The following ADCY5 variants were observed in gnomAD, a reference collection of about 807,000 sequenced individuals.
ADCY5 encodes the protein adenylate cyclase 5.
Under a neutral mutation model 119.7 loss-of-function variants are expected in ADCY5, and 30 were observed. The observed-to-expected ratio is 0.25, with a 90% confidence interval of 0.19 to 0.34. The LOEUF is 0.34. ADCY5 is among the 10% of genes least tolerant of loss of function. The probability of loss-of-function intolerance (pLI) is 1.00; values close to 1 mark genes in which losing one functional copy is unlikely to be tolerated. For missense variants in ADCY5, 1,324 were observed against 1,775.2 expected (o/e 0.75, Z 4.57); for synonymous variants, 753 against 762.2 (o/e 0.99, Z 0.20).
chr3:123,358,709 G>C (rs1204344581), intron 1 of ADCY5, among the ~76,000 whole-genome samples: 2 of 152,206 alleles, frequency 1.3e-5, no homozygotes, highest in Non-Finnish European at 2.9e-5. Flanking sequence ...CCACTAGAGG[G>C]GGAATGTTTG....
rs370590715 is a variant in ADCY5 at position 123,447,613 on chromosome 3, G to A, written c.933C>T (p.Ala311=). 7.5e-6 allele frequency: 12 copies of A among 1,607,690 alleles called. No homozygotes were observed. The highest frequency in any genetic ancestry group is 2.7e-5 in the African/African-American group (2 of 74,892). The change falls in exon 1 of 21, where the codon GCC becomes GCT. Residue 311 remains alanine, a synonymous_variant. Transcript: ENST00000462833. The part of the protein sequence containing the change: ...ACYALIAVVL[A]VQVVGLLLPQ... Reference sequence around the variant, plus strand: ...GCAGCAGCAGGCCCACCACCTGGACGGCCAGCACCACGGCGATGAGCGCAT... The same window carrying A: ...GCAGCAGCAGGCCCACCACCTGGACAGCCAGCACCACGGCGATGAGCGCAT...
rs1940769736 is a variant in ADCY5, at chr3:123,314,307, G to C, written c.2370C>G (p.Leu790=). The C allele has an allele frequency of 1.9e-6, 3 of 1,613,052 alleles. No homozygotes were observed. Among genetic ancestry groups the C allele is most frequent in the African/African-American group, 1.3e-5 (1 of 74,906 alleles). ...ITIVPHSIFM[L]SFYLTCSLLL... ...GCAGGGAACAGGTCAGGTAGAAGCT[G>C]AGCATGAATATGGAGCTGGAAGGAG... The change falls in exon 12 of 21, where the codon CTC becomes CTG. Residue 790 remains leucine (L), a synonymous_variant. Coordinates refer to ENST00000462833, the MANE Select transcript of ADCY5 (RefSeq NM_183357.3).
intron 1 of ADCY5, among the ~76,000 whole-genome samples, chr3:123,436,567 A>G (rs1184506494): frequency 6.6e-6 from 1 of 151,964 alleles, no homozygotes; most frequent in African/African-American, 2.4e-5. Flanking sequence ...TTAGCCAGCC[A>G]TGGTGGGGCA....
chr3:123,326,348 C>G (rs950690791), intron 7 of ADCY5, among the ~76,000 whole-genome samples: 1 of 152,168 alleles, frequency 6.6e-6, no homozygotes, highest in African/African-American at 2.4e-5. Flanking sequence ...AGCTAGAGAC[C>G]TGAGGCAACC....
chr3:123,364,712 G>GTA (rs978548705), intron 1 of ADCY5, among the ~76,000 whole-genome samples: 18 of 152,052 alleles, frequency 1.2e-4, no homozygotes, highest in Non-Finnish European at 2.2e-4. Context: ...AAAATAAAAA[G>GTA]TATATTCATT....
intron 1 of ADCY5, chr3:123,416,404 C>T: frequency 7.0e-7 from 1 of 1,428,500 alleles, no homozygotes; most frequent in Non-Finnish European, 9.3e-7. Flanking sequence ...GTGGAACAGC[C>T]TGGACAACCT....
chr3:123,355,950 A>C (rs550920911), intron 1 of ADCY5, among the ~76,000 whole-genome samples: 1 of 152,356 alleles, frequency 6.6e-6, no homozygotes, highest in African/African-American at 2.4e-5. Flanking sequence ...ATGTGGTACT[A>C]GCATAAGGGT....
At chr3:123,384,070 G>A (rs531033691) in intron 1 of ADCY5, among the ~76,000 whole-genome samples, 3 of 152,264 alleles carry the variant, frequency 2.0e-5, no homozygotes, top group Admixed American at 6.5e-5. Context: ...ATGCTCCCGG[G>A]ACAGTAATGA....
At chr3:123,359,397 T>A (rs1559835521) in intron 1 of ADCY5, among the ~76,000 whole-genome samples, 1 of 143,462 alleles carries the variant, frequency 7.0e-6, no homozygotes, top group Non-Finnish European at 1.5e-5. Flanking sequence ...TATAATTGAG[T>A]GACCCATATT....
intron 1 of ADCY5, among the ~76,000 whole-genome samples, chr3:123,372,351 A>G (rs1056049350): frequency 1.3e-5 from 2 of 152,218 alleles, no homozygotes; most frequent in African/African-American, 4.8e-5. Context: ...CCCAGGATGC[A>G]GGAAGATCCA....
At chr3:123,327,020 G>C (rs1331495905) in intron 7 of ADCY5, among the ~76,000 whole-genome samples, 1 of 152,162 alleles carries the variant, frequency 6.6e-6, no homozygotes, top group African/African-American at 2.4e-5. Flanking sequence ...TTTAGTTTAG[G>C]GAGAAATAGA....
intron 12 of ADCY5, among the ~76,000 whole-genome samples, chr3:123,305,771 G>A (rs569039247): frequency 1.6e-4 from 25 of 152,310 alleles, no homozygotes; most frequent in African/African-American, 5.5e-4. Flanking sequence ...TAGGGAGGGT[G>A]TATATCTTTC....
intron 1 of ADCY5, among the ~76,000 whole-genome samples, chr3:123,439,136 C>T (rs1395004850): frequency 1.6e-5 from 2 of 124,604 alleles, no homozygotes; most frequent in African/African-American, 3.0e-5. Flanking sequence ...GGCGCAATCT[C>T]GGCTCACTGC....
chr3:123,405,448 C>T (rs550368954), intron 1 of ADCY5, among the ~76,000 whole-genome samples: 2 of 152,112 alleles, frequency 1.3e-5, no homozygotes, highest in African/African-American at 4.8e-5. Flanking sequence ...GGACTGAACA[C>T]CAACTTGGTT....
intron 19 of ADCY5, among the ~76,000 whole-genome samples, chr3:123,288,452 A>G (rs1938923202): frequency 1.3e-5 from 2 of 152,242 alleles, no homozygotes; most frequent in African/African-American, 4.8e-5. Context: ...CTTTACCTCC[A>G]CAGACCTTGG....
chr3:123,293,428 A>G (rs1939292374), intron 17 of ADCY5, among the ~76,000 whole-genome samples: 1 of 152,186 alleles, frequency 6.6e-6, no homozygotes, highest in Non-Finnish European at 1.5e-5. Flanking sequence ...CCAAAATCCC[A>G]GGGGAAGGAT....
chr3:123,441,915 T>A (rs1394055581), intron 1 of ADCY5, among the ~76,000 whole-genome samples: 1 of 151,810 alleles, frequency 6.6e-6, no homozygotes, highest in Non-Finnish European at 1.5e-5. Flanking sequence ...AACCCCCAGA[T>A]TTTCTTCACA....
intron 16 of ADCY5, chr3:123,296,849 A>G: frequency 3.0e-6 from 2 of 666,398 alleles, no homozygotes; most frequent in Non-Finnish European, 2.4e-6. Flanking sequence ...GCCATTCCAA[A>G]TCCTACGTCT....
intron 19 of ADCY5, among the ~76,000 whole-genome samples, chr3:123,288,921 G>C (rs1457672455): frequency 6.6e-6 from 1 of 152,214 alleles, no homozygotes; most frequent in Non-Finnish European, 1.5e-5. Context: ...GTCCAGGGAA[G>C]ATCCAGGGCT....
Sources: allele counts gnomAD v4.1 joint callset (sites outside exome capture counted in the v4.1 genomes callset), GRCh38; gene constraint gnomAD v4.1.1; transcripts MANE v1.5; gene names NCBI Gene and HGNC (gene_info 2026-07-23, HGNC 2026-07-21).